The following RBFOX1 variants were observed in gnomAD, a reference collection of about 807,000 sequenced individuals.
The protein encoded by RBFOX1 is RNA binding fox-1 homolog 1.
A neutral mutation model predicts 57.7 loss-of-function variants in RBFOX1; 8 were observed. The observed-to-expected ratio is 0.14, with a 90% CI of 0.08 to 0.25. RBFOX1 has a LOEUF of 0.25. Ranked by LOEUF, RBFOX1 falls within the 10% of genes least tolerant of loss-of-function variation. RBFOX1 has a pLI of 1.00. For missense variants in RBFOX1, 611 were observed against 548.5 expected (o/e 1.11, Z -1.14); for synonymous variants, 326 against 222.4 (o/e 1.47, Z -4.15).
intron 4 of RBFOX1, among the ~76,000 whole-genome samples, chr16:5,901,247 G>C (rs188587010): frequency 2.0e-5 from 3 of 152,076 alleles, no homozygotes; most frequent in Non-Finnish European, 4.4e-5. Context: ...CCGTTCACGC[G>C]GTCTTTGTTT....
intron 1 of RBFOX1, among the ~76,000 whole-genome samples, chr16:6,034,923 C>T (rs992758714): frequency 8.0e-6 from 1 of 125,720 alleles, no homozygotes; most frequent in Non-Finnish European, 1.7e-5. Flanking sequence ...GGCCTCTAGG[C>T]TTAACCATTG....
intron 2 of RBFOX1, among the ~76,000 whole-genome samples, chr16:5,491,803 T>C (rs2042838858): frequency 6.6e-6 from 1 of 152,176 alleles, no homozygotes; most frequent in African/African-American, 2.4e-5. Context: ...ATTCAGTTGT[T>C]CTCAAGCCTA....
At chr16:7,243,228 C>A (rs1030802312) in intron 4 of RBFOX1, among the ~76,000 whole-genome samples, 1 of 152,134 alleles carries the variant, frequency 6.6e-6, no homozygotes, top group Non-Finnish European at 1.5e-5. Context: ...CTACTCCAAG[C>A]ACTTGGCATG....
At chr16:7,233,722 T>G (rs2093628344) in intron 4 of RBFOX1, among the ~76,000 whole-genome samples, 1 of 152,228 alleles carries the variant, frequency 6.6e-6, no homozygotes, top group Non-Finnish European at 1.5e-5. Flanking sequence ...CTTTTATTTA[T>G]GGTATATGTG....
chr16:6,896,180 G>A (rs985624360), intron 3 of RBFOX1, among the ~76,000 whole-genome samples: 23 of 152,124 alleles, frequency 1.5e-4, no homozygotes, highest in African/African-American at 5.6e-4. Context: ...GGCTGAGGCA[G>A]GAGAATCACT....
At chr16:7,061,246 A>G (rs769559089) in intron 4 of RBFOX1, among the ~76,000 whole-genome samples, 3 of 152,218 alleles carry the variant, frequency 2.0e-5, no homozygotes, top group Non-Finnish European at 4.4e-5. Flanking sequence ...ACTCATAAGT[A>G]CATTTAAAAT....
chr16:7,218,876 C>G (rs1249871020), intron 4 of RBFOX1, among the ~76,000 whole-genome samples: 1 of 152,030 alleles, frequency 6.6e-6, no homozygotes, highest in Non-Finnish European at 1.5e-5. Context: ...CCTCCAGCCT[C>G]GATGCATCGC....
chr16:6,137,007 C>T (rs188362812), intron 1 of RBFOX1, among the ~76,000 whole-genome samples: 23 of 152,246 alleles, frequency 1.5e-4, no homozygotes, highest in African/African-American at 5.5e-4. Context: ...ACCCCTCCAC[C>T]GCTGGAAACT....
chr16:7,282,846 C>G (rs1160585907), intron 4 of RBFOX1, among the ~76,000 whole-genome samples: 1 of 152,174 alleles, frequency 6.6e-6, no homozygotes, highest in Non-Finnish European at 1.5e-5. Context: ...GTTTTCCATT[C>G]CTGAGTTACT....
chr16:7,504,768 TATTTA>T (rs1295978153), intron 4 of RBFOX1, among the ~76,000 whole-genome samples: 10 of 12,160 alleles, frequency 8.2e-4, no homozygotes, highest in Non-Finnish European at 1.7e-3. Flanking sequence ...TATATATATA[TATTTA>T]TATATATATA....
intron 1 of RBFOX1, among the ~76,000 whole-genome samples, chr16:5,265,422 A>G (rs1030165071): frequency 2.6e-5 from 4 of 152,214 alleles, no homozygotes; most frequent in Non-Finnish European, 5.9e-5. Flanking sequence ...ATATTAAAAC[A>G]CGACCAATGC....
At chr16:7,325,125 A>T (rs2096594564) in intron 4 of RBFOX1, among the ~76,000 whole-genome samples, 1 of 152,190 alleles carries the variant, frequency 6.6e-6, no homozygotes, top group Non-Finnish European at 1.5e-5. Flanking sequence ...TTGATCCTCC[A>T]ACCAGCTGCT....
chr16:6,195,004 A>G (rs1306811882), intron 1 of RBFOX1, among the ~76,000 whole-genome samples: 1 of 152,160 alleles, frequency 6.6e-6, no homozygotes, highest in African/African-American at 2.4e-5. Context: ...TTTTTAATTC[A>G]TGAAGTCTGC....
intron 2 of RBFOX1, among the ~76,000 whole-genome samples, chr16:6,391,533 A>T (rs75600286): frequency 6.1e-4 from 93 of 151,932 alleles, no homozygotes; most frequent in African/African-American, 2.1e-3. Context: ...AAGAAAAAAA[A>T]GTATCATGAT....
intron 3 of RBFOX1, among the ~76,000 whole-genome samples, chr16:6,906,073 A>C (rs77485398): frequency 0.047 from 7,138 of 152,050 alleles, 421 homozygotes; most frequent in African/African-American, 0.12. Context: ...TCCACCTGAT[A>C]CTTTGTCTTC....
At chr16:6,501,131 C>CTTTTTTTTT (rs1003003339) in intron 2 of RBFOX1, among the ~76,000 whole-genome samples, 15 of 107,906 alleles carry the variant, frequency 1.4e-4, no homozygotes, top group Admixed American at 2.0e-4. Flanking sequence ...GTTAAACATT[C>CTTTTTTTTT]TTTTTTTTTT....
chr16:7,007,873 T>A (rs1177403471), intron 3 of RBFOX1, among the ~76,000 whole-genome samples: 1 of 152,182 alleles, frequency 6.6e-6, no homozygotes, highest in East Asian at 1.9e-4. Flanking sequence ...AGTATCAACA[T>A]GGACTTGTAA....
chr16:6,117,490 G>C (rs2096509137), intron 1 of RBFOX1, among the ~76,000 whole-genome samples: 1 of 152,230 alleles, frequency 6.6e-6, no homozygotes, highest in Non-Finnish European at 1.5e-5. Context: ...TGGCCATTCA[G>C]ATGCCATTAG....
intron 3 of RBFOX1, among the ~76,000 whole-genome samples, chr16:6,808,567 A>T (rs1456690664): frequency 1.3e-5 from 2 of 152,110 alleles, no homozygotes; most frequent in African/African-American, 4.8e-5. Flanking sequence ...TCTGATGGGG[A>T]ATAACTGCCA....
Sources: allele counts gnomAD v4.1 joint callset (sites outside exome capture counted in the v4.1 genomes callset), GRCh38; gene constraint gnomAD v4.1.1; transcripts MANE v1.5; gene names NCBI Gene and HGNC (gene_info 2026-07-23, HGNC 2026-07-21).